Variants in CENPK observed in about 807,000 individuals in gnomAD.
The protein encoded by CENPK is centromere protein K, also known as SoxLZ/Sox6-binding protein Solt.
In CENPK, 46 loss-of-function variants were observed where a neutral mutation model predicts 40.9. That is an observed-to-expected ratio of 1.13 (90% CI 0.89 to 1.44). The LOEUF is 1.44. CENPK is among the 40% of genes most tolerant of loss of function. CENPK has a pLI of 0.00. For missense variants in CENPK, 288 were observed against 303.5 expected, an observed-to-expected ratio of 0.95 and a Z score of 0.38; for synonymous variants, 107 against 104.4, an observed-to-expected ratio of 1.02 and a Z score of -0.15.
chr5:65,515,553 A>G (rs1252191736), downstream of CENPK, among the ~76,000 whole-genome samples: 1 of 152,210 alleles, frequency 6.6e-6, no homozygotes, highest in Non-Finnish European at 1.5e-5. Context: ...AGTTCAAAAT[A>G]TATTTTCTCG....
chr5:65,527,510 T>C (rs1681589137), intron 9 of CENPK, among the ~76,000 whole-genome samples: 1 of 4,220 alleles, frequency 2.4e-4, no homozygotes, highest in Non-Finnish European at 5.3e-4. Flanking sequence ...TATATATATA[T>C]ATATATATAT....
At chr5:65,523,377 C>G (rs1006554886) in intron 9 of CENPK, among the ~76,000 whole-genome samples, 1 of 152,186 alleles carries the variant, frequency 6.6e-6, no homozygotes. Context: ...AAGTTGCCTA[C>G]TACGGTGACA....
At chr5:65,518,691 AAG>A in intron 10 of CENPK, 58 bp from the exon 11 acceptor site, 1 of 1,157,084 alleles carries the variant, frequency 8.6e-7, no homozygotes, top group Non-Finnish European at 1.2e-6. Flanking sequence ...ATATAGCTAT[AAG>A]AAAGTTTTTT....
intron 10 of CENPK, among the ~76,000 whole-genome samples, chr5:65,519,423 C>G (rs555595330): frequency 1.3e-5 from 2 of 152,206 alleles, no homozygotes; most frequent in Non-Finnish European, 2.9e-5. Flanking sequence ...AAATGTAGAT[C>G]AATTATTATT....
At chr5:65,520,548 C>CA in intron 10 of CENPK, among the ~76,000 whole-genome samples, 1 of 151,996 alleles carries the variant, frequency 6.6e-6, no homozygotes, top group Admixed American at 6.6e-5. Flanking sequence ...AAACTACAGT[C>CA]ATCTTAGTTT....
the CENPK span, among the ~76,000 whole-genome samples, chr5:65,508,450 A>G: frequency 6.6e-6 from 1 of 152,204 alleles, no homozygotes; most frequent in South Asian, 2.1e-4. Context: ...ATATCCGATA[A>G]AAAATTTAAT....
At chr5:65,515,447 C>T (rs1488193498), downstream of CENPK, among the ~76,000 whole-genome samples, 1 of 152,074 alleles carries the variant, frequency 6.6e-6, no homozygotes, top group Non-Finnish European at 1.5e-5. Context: ...GTGATCCACC[C>T]GACTCGGCCT....
intron 2 of CENPK, among the ~76,000 whole-genome samples, chr5:65,556,160 A>C (rs1297147516): frequency 6.6e-6 from 1 of 152,188 alleles, no homozygotes; most frequent in Admixed American, 6.5e-5. Flanking sequence ...ATAAAAATAA[A>C]TAAATTAGCT....
chr5:65,511,742 A>C, the CENPK span, among the ~76,000 whole-genome samples: 3 of 152,142 alleles, frequency 2.0e-5, no homozygotes, highest in African/African-American at 7.2e-5. Flanking sequence ...TCTAGGTTGC[A>C]TGCTCCTTAT....
intron 10 of CENPK, among the ~76,000 whole-genome samples, chr5:65,518,934 T>C (rs1743195227): frequency 6.6e-6 from 1 of 152,116 alleles, no homozygotes; most frequent in African/African-American, 2.4e-5. Context: ...AAGACAAAAA[T>C]CTTAAAAAAT....
chr5:65,525,984 T>C (rs1042021926), intron 9 of CENPK, among the ~76,000 whole-genome samples: 1 of 152,042 alleles, frequency 6.6e-6, no homozygotes, highest in Admixed American at 6.6e-5. Flanking sequence ...GACTAATAAA[T>C]ACAGTATTGT....
intron 6 of CENPK, 96 bp downstream of exon 6, chr5:65,542,706 G>T (rs1001434799): frequency 1.2e-6 from 1 of 824,156 alleles, no homozygotes; most frequent in Non-Finnish European, 1.9e-6. Context: ...TATGGTTTTA[G>T]AGTGGTTTTA....
chr5:65,559,845 G>T (rs1202713623), intron 2 of CENPK, among the ~76,000 whole-genome samples: 1 of 151,714 alleles, frequency 6.6e-6, no homozygotes, highest in Non-Finnish European at 1.5e-5. Flanking sequence ...TGACAGAGAT[G>T]ACAAGGCAAA....
At position 65,528,517 on chromosome 5, in the gene CENPK, T is replaced by G. The variant is rs1745152720; in HGVS notation, c.532A>C (p.Ser178Arg). ...TCTTCTAGAAACTCGCCCAAGGTAC[T>G]CAAGAGTTTCTCCTTATATTCTTTT... ...NIKEYKEKLL[S>R]TLGEFLEDHF... The change falls in exon 9 of 11, where the codon AGT becomes CGT. Residue 178 changes from serine to arginine, a missense_variant. Physicochemically the swap from Ser to Arg is moderately radical, Grantham distance 110 (BLOSUM62 -1). Transcript: ENST00000396679. 6.2e-7 allele frequency: 1 copy of G among 1,605,318 alleles called. No individual in the cohort carries two copies. Among genetic ancestry groups the G allele is most frequent in the African/African-American group, 1.3e-5 (1 of 74,414 alleles).
downstream of CENPK, among the ~76,000 whole-genome samples, chr5:65,515,520 A>G (rs1477444335): frequency 2.6e-5 from 4 of 152,136 alleles, no homozygotes; most frequent in Non-Finnish European, 5.9e-5. Flanking sequence ...ACAAATTTTG[A>G]TAACTTGTAG....
Position 65,526,775 on chromosome 5 carries a change from A to T in CENPK, c.597+1677T>A, listed in dbSNP as rs1299074061. Among the ~76,000 whole-genome samples, 3 of 152,280 alleles carry T rather than the reference A, an allele frequency of 2.0e-5. No individual in the cohort carries two copies. In the East Asian group the frequency reaches 5.8e-4, roughly 29 times the overall value. On this transcript the variant is annotated intron_variant, in intron 9 of 10. Coordinates refer to ENST00000396679, the MANE Select transcript of CENPK (RefSeq NM_022145.5). ...GGAGTTCAAGTCTAACCTGGGCAAC[A>T]TAGCAAGACCTCGTCTCTAAAAAAC... is the stretch of plus-strand genomic sequence containing the variant.
chr5:65,504,323 G>A, the CENPK span, among the ~76,000 whole-genome samples: 1 of 151,966 alleles, frequency 6.6e-6, no homozygotes, highest in Non-Finnish European at 1.5e-5. Context: ...GGACTTGGTG[G>A]CACATGCCTG....
intron 6 of CENPK, chr5:65,529,468 A>G (rs1450557005): frequency 1.3e-5 from 4 of 306,998 alleles, no homozygotes; most frequent in African/African-American, 8.9e-5. Context: ...TTTCAGTAAT[A>G]AGAGAGTAGG....
chr5:65,521,581 T>A, intron 9 of CENPK, 53 bp from the exon 10 acceptor site: 2 of 1,176,018 alleles, frequency 1.7e-6, no homozygotes, highest in Non-Finnish European at 2.5e-6. Flanking sequence ...CTGCCAATGG[T>A]GAAATATTGG....
Sources: gnomAD v4.1 joint callset for allele counts (sites outside exome capture counted in the v4.1 genomes callset) on GRCh38, gnomAD v4.1.1 for gene constraint, MANE v1.5 for transcripts, NCBI Gene and HGNC (gene_info 2026-07-23, HGNC 2026-07-21) for gene names.